Variants in CFAP44 observed in about 807,000 individuals in gnomAD.
CFAP44 encodes the protein cilia- and flagella-associated protein 44.
A neutral mutation model predicts 216.2 loss-of-function variants in CFAP44; 134 were observed. The ratio of observed to expected loss-of-function variants is 0.62; its 90% CI spans 0.54 to 0.72. The LOEUF (loss-of-function observed/expected upper bound fraction) is 0.72. Among genes scored for constraint, CFAP44 ranks in the 30% least tolerant of loss-of-function variants. CFAP44 has a pLI of 0.00. For missense variants in CFAP44, 2,035 were observed against 2,182.1 expected, an observed-to-expected ratio of 0.93 and a Z score of 1.34; for synonymous variants, 700 against 727.6, an observed-to-expected ratio of 0.96 and a Z score of 0.61.
intron 19 of CFAP44, among the ~76,000 whole-genome samples, chr3:113,365,282 C>T (rs1356026658): frequency 1.3e-5 from 2 of 152,126 alleles, no homozygotes; most frequent in Non-Finnish European, 2.9e-5. Context: ...GAAAATTGAC[C>T]TACTCATATC....
intron 22 of CFAP44, among the ~76,000 whole-genome samples, chr3:113,346,155 C>T (rs181995969): frequency 6.6e-6 from 1 of 152,290 alleles, no homozygotes; most frequent in East Asian, 1.9e-4. Context: ...AATCAACACT[C>T]TGTAAAAACG....
intron 32 of CFAP44, among the ~76,000 whole-genome samples, chr3:113,298,243 A>G (rs1225857710): frequency 6.6e-6 from 1 of 152,240 alleles, no homozygotes; most frequent in Admixed American, 6.5e-5. Context: ...TATGCTGAAG[A>G]GGCCAGCAGC....
At chr3:113,317,105 G>T (rs941773324) in intron 28 of CFAP44, among the ~76,000 whole-genome samples, 3 of 152,176 alleles carry the variant, frequency 2.0e-5, no homozygotes, top group African/African-American at 7.2e-5. Context: ...TCCCCAAACA[G>T]CTACTGGGAA....
At chr3:113,339,124 A>G (rs1253890673) in intron 24 of CFAP44, among the ~76,000 whole-genome samples, 2 of 152,138 alleles carry the variant, frequency 1.3e-5, no homozygotes, top group African/African-American at 2.4e-5. Context: ...CAACTGCTGA[A>G]TGGTATCAAA....
At chr3:113,305,250 G>T in intron 30 of CFAP44, 98 bp from the exon 31 acceptor site, 1 of 1,006,632 alleles carries the variant, frequency 9.9e-7, no homozygotes, top group Non-Finnish European at 1.5e-6. Context: ...TAAAGCATGA[G>T]CAGAATCTGC....
intron 22 of CFAP44, among the ~76,000 whole-genome samples, chr3:113,354,512 T>A (rs570199997): frequency 6.6e-6 from 1 of 152,244 alleles, no homozygotes; most frequent in East Asian, 1.9e-4. Flanking sequence ...GTCAGGCCTA[T>A]GACTACCAGC....
At chr3:113,295,436 C>G (rs150368128) in intron 33 of CFAP44, among the ~76,000 whole-genome samples, 45 of 152,298 alleles carry the variant, frequency 3.0e-4, no homozygotes, top group African/African-American at 1.0e-3. Flanking sequence ...TTTTAGATTG[C>G]ATATATTATC....
intron 31 of CFAP44, 78 bp downstream of exon 31, chr3:113,304,958 C>T: frequency 7.7e-7 from 1 of 1,298,702 alleles, no homozygotes; most frequent in Non-Finnish European, 1.1e-6. Flanking sequence ...CATTAGTGAA[C>T]TATGAATCTT....
intron 32 of CFAP44, among the ~76,000 whole-genome samples, chr3:113,300,476 A>AATATAT (rs35787993): frequency 3.4e-5 from 5 of 148,182 alleles, no homozygotes; most frequent in East Asian, 3.9e-4. Context: ...ATATCTTATA[A>AATATAT]ATATATATAT....
chr3:113,375,275 T>C (rs73235093), intron 17 of CFAP44, among the ~76,000 whole-genome samples: 39,948 of 152,062 alleles, frequency 0.26, 5,692 homozygotes, highest in East Asian at 0.51. Flanking sequence ...CGTCACAACA[T>C]TGTGAATACG....
At chr3:113,395,712 T>C (rs766329845) in intron 15 of CFAP44, 38 bp downstream of exon 15, 28 of 1,534,066 alleles carry the variant, frequency 1.8e-5, no homozygotes, top group East Asian at 1.1e-4. Context: ...TATGTAGTAA[T>C]TGAGATTCAA....
chr3:113,398,817 A>G (rs753861485), intron 13 of CFAP44, among the ~76,000 whole-genome samples: 5 of 152,222 alleles, frequency 3.3e-5, no homozygotes, highest in Non-Finnish European at 7.3e-5. Flanking sequence ...CTTCCATGGC[A>G]TTTTAAAAAT....
chr3:113,294,922 A>T, intron 33 of CFAP44, 101 bp from the exon 34 acceptor site: 1 of 1,311,094 alleles, frequency 7.6e-7, no homozygotes, highest in Non-Finnish European at 1.0e-6. Context: ...CAAATGGAGC[A>T]ATGTGCCCAT....
rs1251213571 is a variant in CFAP44 at position 113,288,655 on chromosome 3, A to C, written c.*2902T>G. 1 of 152,218 alleles carries C rather than the reference A, an allele frequency of 6.6e-6. No individual in the cohort carries two copies. The highest frequency in any genetic ancestry group is 1.5e-5 in the Non-Finnish European group (1 of 68,080). The allele number at this position is 152,218 out of a possible 1,614,324, so 9.4% of individuals were successfully genotyped here. On this transcript the variant is annotated 3_prime_UTR_variant, in exon 35 of 35. Transcript: ENST00000393845. ...TGATCTAAGGTAGCTGTCAAAATGA[A>C]GTCTGGTGAACTTTTCTGAAGTGAT... is the stretch of plus-strand genomic sequence containing the variant.
At chr3:113,362,947 C>T (rs1288243409) in intron 21 of CFAP44, 198 bp downstream of exon 21, 47 of 1,298,888 alleles carry the variant, frequency 3.6e-5, no homozygotes, top group Non-Finnish European at 4.6e-5. Context: ...TTTGTGTCAA[C>T]AAGAATCTTA....
intron 28 of CFAP44, among the ~76,000 whole-genome samples, chr3:113,319,401 T>C (rs1950120646): frequency 6.6e-6 from 1 of 152,186 alleles, no homozygotes; most frequent in Non-Finnish European, 1.5e-5. Context: ...CCGAAATATA[T>C]ATGCACCCAA....
chr3:113,395,914 A>G, intron 14 of CFAP44, 54 bp from the exon 15 acceptor site: 1 of 1,334,814 alleles, frequency 7.5e-7, no homozygotes, highest in Non-Finnish European at 1.1e-6. Flanking sequence ...AATCTAGCCT[A>G]TAGATCACAA....
intron 4 of CFAP44, among the ~76,000 whole-genome samples, chr3:113,421,390 T>C (rs1934811372): frequency 6.6e-6 from 1 of 152,190 alleles, no homozygotes; most frequent in African/African-American, 2.4e-5. Context: ...ATACTATCAG[T>C]GAGAATGTAA....
chr3:113,378,076 A>G (rs1226022333), intron 17 of CFAP44, among the ~76,000 whole-genome samples: 1 of 152,146 alleles, frequency 6.6e-6, no homozygotes, highest in African/African-American at 2.4e-5. Flanking sequence ...GGATCTCACT[A>G]TATTACACAG....
Sources: allele counts gnomAD v4.1 joint callset (sites outside exome capture counted in the v4.1 genomes callset), GRCh38; gene constraint gnomAD v4.1.1; transcripts MANE v1.5; gene names NCBI Gene and HGNC (gene_info 2026-07-23, HGNC 2026-07-21).